SYNE1: variants seen among roughly 807,000 people sequenced by gnomAD.
The protein encoded by SYNE1 is spectrin repeat containing nuclear envelope protein 1, also known as nesprin-1.
Under a neutral mutation model 1,111.0 loss-of-function variants are expected in SYNE1, and 616 were observed. That is an observed-to-expected ratio of 0.55 (90% CI 0.52 to 0.59). SYNE1 has a LOEUF of 0.59. Ranked by LOEUF, SYNE1 falls within the 20% of genes least tolerant of loss-of-function variation. The pLI, the probability that SYNE1 is intolerant of heterozygous loss-of-function variation, is 0.00. For synonymous variants in SYNE1, 3,855 were observed against 3,825.8 expected (o/e 1.01, Z -0.28); for missense variants, 10,006 against 10,417.0 (o/e 0.96, Z 1.72).
chr6:152,479,997 T>C (rs1474675398), intron 14 of SYNE1, among the ~76,000 whole-genome samples: 1 of 152,222 alleles, frequency 6.6e-6, no homozygotes, highest in Non-Finnish European at 1.5e-5. Flanking sequence ...ATTGTAACTT[T>C]GATAGCTTGT....
chr6:152,571,649 A>C (rs1448989042), intron 3 of SYNE1, among the ~76,000 whole-genome samples: 1 of 152,156 alleles, frequency 6.6e-6, no homozygotes, highest in East Asian at 1.9e-4. Flanking sequence ...AAAATCCGTG[A>C]CTGTAAAGTA....
At chr6:152,507,346 T>A (rs2099063112) in intron 8 of SYNE1, among the ~76,000 whole-genome samples, 1 of 152,200 alleles carries the variant, frequency 6.6e-6, no homozygotes, top group African/African-American at 2.4e-5. Context: ...TGTATTGTTT[T>A]AGACATTTTC....
intron 78 of SYNE1, 131 bp downstream of exon 78, chr6:152,329,599 G>A: frequency 8.3e-7 from 1 of 1,198,248 alleles, no homozygotes; most frequent in Non-Finnish European, 1.2e-6. Flanking sequence ...AGTCACTGCT[G>A]AAGATGCTTC....
chr6:152,130,827 C>A, intron 144 of SYNE1, 49 bp from the exon 145 acceptor site: 1 of 1,580,818 alleles, frequency 6.3e-7, no homozygotes, highest in Non-Finnish European at 8.7e-7. Flanking sequence ...TCAGTCCAGG[C>A]AAATAAAGAC....
chr6:152,132,828 G>GA (rs569219455), intron 143 of SYNE1, among the ~76,000 whole-genome samples: 47 of 144,620 alleles, frequency 3.2e-4, no homozygotes, highest in Admixed American at 6.2e-4. Context: ...GTTGATTGTA[G>GA]AAAAAAAAAT....
chr6:152,450,585 G>T, intron 27 of SYNE1, 40 bp downstream of exon 27: 1 of 1,530,932 alleles, frequency 6.5e-7, no homozygotes, highest in Non-Finnish European at 9.1e-7. Flanking sequence ...ACAGAATTAA[G>T]TTTGACTACA....
intron 144 of SYNE1, among the ~76,000 whole-genome samples, chr6:152,131,665 C>T (rs987312141): frequency 5.3e-5 from 8 of 152,120 alleles, no homozygotes; most frequent in Non-Finnish European, 1.0e-4. Context: ...CACCCAGAAG[C>T]GGCTTAGCTT....
chr6:152,465,486 C>A (rs765884693), intron 17 of SYNE1, 26 bp from the exon 18 acceptor site: 10 of 1,597,400 alleles, frequency 6.3e-6, no homozygotes, highest in Middle Eastern at 1.7e-4. Flanking sequence ...CCAATTATAA[C>A]CCTTATCTCA....
At chr6:152,248,415 T>C (rs995476023) in intron 105 of SYNE1, among the ~76,000 whole-genome samples, 1 of 152,074 alleles carries the variant, frequency 6.6e-6, no homozygotes, top group African/African-American at 2.4e-5. Context: ...TTGCTTATAA[T>C]TTATAAATAA....
chr6:152,625,759 G>T (rs543008121), intron 3 of SYNE1, among the ~76,000 whole-genome samples: 1 of 152,012 alleles, frequency 6.6e-6, no homozygotes, highest in African/African-American at 2.4e-5. Context: ...CCAAAAATCC[G>T]GATAGTTAGA....
intron 139 of SYNE1, 115 bp from the exon 140 acceptor site, chr6:152,140,276 T>A: frequency 1.0e-6 from 1 of 1,004,296 alleles, no homozygotes; most frequent in Non-Finnish European, 1.6e-6. Flanking sequence ...GAAAAGTAAT[T>A]CCACTGGGCA....
chr6:152,547,938 A>G (rs2099322377), intron 3 of SYNE1, among the ~76,000 whole-genome samples: 1 of 152,168 alleles, frequency 6.6e-6, no homozygotes, highest in Admixed American at 6.5e-5. Context: ...TGACTGTGGT[A>G]ATCATTTCAC....
At chr6:152,453,776 A>G in intron 24 of SYNE1, 56 bp from the exon 25 acceptor site, 6 of 1,610,974 alleles carry the variant, frequency 3.7e-6, no homozygotes, top group Non-Finnish European at 5.1e-6. Context: ...AGGCAGCACC[A>G]GGCACAATCA....
intron 4 of SYNE1, among the ~76,000 whole-genome samples, chr6:152,534,483 T>C (rs758670165): frequency 2.0e-5 from 3 of 152,164 alleles, no homozygotes; most frequent in Non-Finnish European, 2.9e-5. Context: ...AAGATATAAT[T>C]GACAAATAAA....
intron 62 of SYNE1, among the ~76,000 whole-genome samples, chr6:152,366,401 C>A (rs181661996): frequency 3.0e-4 from 46 of 151,962 alleles, no homozygotes; most frequent in African/African-American, 1.0e-3. Flanking sequence ...GTGGCTCACA[C>A]CTGTAATCCC....
Position 152,230,557 on chromosome 6 carries a change from T to A in SYNE1, c.21185A>T (p.Lys7062Ile). The stretch of plus-strand genomic sequence containing the variant: ...ACCTGGACAAGTTACCTGACAGTCT[T>A]TCAGTGCATTTTGAACAGAAGCCTG... Reference protein sequence around the residue: ...GDQASVQNALKDCQDLEDLIK... With the variant: ...GDQASVQNALIDCQDLEDLIK... The change falls in exon 115 of 146, where the codon AAA (lysine) becomes ATA (isoleucine). Residue 7062 changes from lysine (K) to isoleucine (I), a missense_variant. Lys to Ile is a moderately radical substitution (Grantham distance 102). Coordinates refer to ENST00000367255, the MANE Select transcript of SYNE1 (RefSeq NM_182961.4). 6.2e-7 allele frequency: 1 copy of A among 1,614,056 alleles called. No individual in the cohort carries two copies.
chr6:152,514,963 T>C (rs1040008591), intron 6 of SYNE1, among the ~76,000 whole-genome samples: 4 of 152,180 alleles, frequency 2.6e-5, no homozygotes, highest in Non-Finnish European at 5.9e-5. Context: ...GGCTCACACC[T>C]GTAATCCCAG....
intron 3 of SYNE1, among the ~76,000 whole-genome samples, chr6:152,604,773 C>A (rs1467876471): frequency 6.6e-6 from 1 of 150,892 alleles, no homozygotes; most frequent in Non-Finnish European, 1.5e-5. Context: ...GGCCCCCTTC[C>A]CACTGTCCCT....
chr6:152,331,715 G>A lies in SYNE1; in HGVS notation c.12970C>T (p.Arg4324Cys), dbSNP rs142258643. 6.6e-5 allele frequency: 107 copies of A among 1,614,176 alleles called. No individual in the cohort carries two copies. In the African/African-American group the frequency reaches 9.1e-4, roughly 14 times the overall value. The change falls in exon 78 of 146, where the codon CGT (arginine) becomes TGT (cysteine). Residue 4324 changes from arginine (R) to cysteine (C), a missense_variant. By Grantham distance (180) the Arg-to-Cys change is radical. Coordinates refer to ENST00000367255, the MANE Select transcript of SYNE1 (RefSeq NM_182961.4). ...ATGAGGTCCTCAAGCTGAAACCAAC[G>A]TTGCTCTAAATGACTCGTCTGTTCT... ...VKEQTSHLEQ[R>C]WFQLEDLIKR...
Sources: allele counts gnomAD v4.1 joint callset (sites outside exome capture counted in the v4.1 genomes callset), GRCh38; gene constraint gnomAD v4.1.1; transcripts MANE v1.5; gene names NCBI Gene and HGNC (gene_info 2026-07-23, HGNC 2026-07-21).